The following PRRC2C variants were observed in gnomAD, a reference collection of about 807,000 sequenced individuals.
PRRC2C encodes the protein proline rich coiled-coil 2C.
PRRC2C carries 72 observed loss-of-function variants against 317.2 expected under a neutral mutation model. The ratio of observed to expected loss-of-function variants is 0.23; its 90% CI spans 0.19 to 0.28. The LOEUF (loss-of-function observed/expected upper bound fraction) is 0.28, where lower values mean the gene tolerates loss of function less well. Ranked by LOEUF, PRRC2C falls within the 10% of genes least tolerant of loss-of-function variation. The pLI, the probability that PRRC2C is intolerant of heterozygous loss-of-function variation, is 1.00. For missense variants in PRRC2C, 3,074 were observed against 3,459.7 expected, an observed-to-expected ratio of 0.89 and a Z score of 2.80; for synonymous variants, 1,296 against 1,205.9, an observed-to-expected ratio of 1.07 and a Z score of -1.55.
At position 171,589,420 on chromosome 1, in the gene PRRC2C, A is replaced by G. The variant is rs1349016467; in HGVS notation, c.8251A>G (p.Asn2751Asp). The change falls in exon 34 of 35, where the codon AAC (asparagine) becomes GAC (aspartate). Residue 2751 changes from asparagine to aspartate, a missense_variant. Physicochemically the swap from Asn to Asp is conservative, Grantham distance 23. Coordinates refer to ENST00000647382, the MANE Select transcript of PRRC2C (RefSeq NM_001387844.1). ...TCCATTGGTAAGAGCCCCACATACT[A>G]ACACCTTCCCAGCGCCTGTTCAGAG... ...VPPLVRAPHT[N>D]TFPAPVQRPP... is the part of the protein sequence containing the mutation. 7.8e-7 allele frequency: 1 copy of G among 1,289,290 alleles called. No homozygotes were observed. Among genetic ancestry groups the G allele is most frequent in the Non-Finnish European group, 1.0e-6 (1 of 988,800 alleles). The allele number at this position is 1,289,290 out of a possible 1,614,324, so 79.9% of individuals were successfully genotyped here.
intron 30 of PRRC2C, among the ~76,000 whole-genome samples, chr1:171,586,151 C>T (rs1001646838): frequency 6.9e-6 from 1 of 144,570 alleles, no homozygotes; most frequent in Non-Finnish European, 1.5e-5. Context: ...CAACCTCCAC[C>T]TCCCAGGTTC....
intron 1 of PRRC2C, among the ~76,000 whole-genome samples, chr1:171,498,282 A>G (rs1383410943): frequency 2.0e-5 from 3 of 152,126 alleles, no homozygotes; most frequent in African/African-American, 7.2e-5. Flanking sequence ...TAAATAACAG[A>G]AATTAATTTC....
chr1:171,504,016 T>C (rs1010962648), intron 1 of PRRC2C, among the ~76,000 whole-genome samples: 1 of 152,078 alleles, frequency 6.6e-6, no homozygotes, highest in Non-Finnish European at 1.5e-5. Flanking sequence ...CATGTGGGAA[T>C]TGAGGGAGGT....
chr1:171,561,244 A>G, intron 20 of PRRC2C, 141 bp downstream of exon 20: 1 of 785,092 alleles, frequency 1.3e-6, no homozygotes, highest in African/African-American at 1.7e-5. Context: ...AGCCTGGGCA[A>G]CATAGTGAGA....
rs1669156385 is a variant in PRRC2C, at chr1:171,501,740, A to G, written c.-57-10292A>G. Among the ~76,000 whole-genome samples the G allele has an allele frequency of 3.9e-5, 6 of 152,242 alleles. 1 individual carries two copies. The South Asian group carries it at 1.2e-3, about 32-fold the overall frequency. On this transcript the variant is annotated intron_variant, in intron 1 of 34. Coordinates refer to ENST00000647382, the MANE Select transcript of PRRC2C (RefSeq NM_001387844.1). Reference sequence around the variant, plus strand: ...GGGTATACTTATTTTGATATCCTCTATAACTGTGTGGATGGGTTTTGAAAT... The same window carrying G: ...GGGTATACTTATTTTGATATCCTCTGTAACTGTGTGGATGGGTTTTGAAAT...
At chr1:171,506,615 T>TTA (rs398103367) in intron 1 of PRRC2C, among the ~76,000 whole-genome samples, 2 of 151,090 alleles carry the variant, frequency 1.3e-5, no homozygotes, top group Non-Finnish European at 3.0e-5. Flanking sequence ...TTTTTTTTTT[T>TTA]AAGCTTTTTC....
intron 3 of PRRC2C, among the ~76,000 whole-genome samples, chr1:171,514,262 ATGTGTGTG>A (rs10531775): frequency 1.0e-4 from 15 of 148,686 alleles, no homozygotes; most frequent in African/African-American, 2.0e-4. Flanking sequence ...GTGTGTGTGT[ATGTGTGTG>A]TGTGTGTGTG....
Position 171,577,622 on chromosome 1 carries a change from T to C in PRRC2C, c.7144T>C (p.Ser2382Pro). The part of the protein sequence containing the change: ...QQQQNPQVYV[S>P]QSAAAQIPAF... ...GCAACAGAATCCGCAAGTTTATGTGTCTCAGTCTGCAGCAGGTAATGTTTT... is the reference window on the plus strand; with the variant it reads ...GCAACAGAATCCGCAAGTTTATGTGCCTCAGTCTGCAGCAGGTAATGTTTT... The change falls in exon 26 of 35, where the codon TCT becomes CCT. Residue 2382 changes from serine (S) to proline (P), a missense_variant. Around this residue, in one of 11 missense-constraint regions of PRRC2C, gnomAD observed 490 missense variants for 663.1 expected, o/e 0.74. Transcript: ENST00000647382. The C allele has an allele frequency of 6.2e-7, 1 of 1,612,836 alleles. No individual in the cohort carries two copies. Among genetic ancestry groups the C allele is most frequent in the East Asian group, 2.2e-5 (1 of 44,872 alleles).
At position 171,541,890 on chromosome 1, in the gene PRRC2C, G is replaced by A. The variant is rs1259413383; in HGVS notation, c.4424G>A (p.Gly1475Glu). 3.1e-6 allele frequency: 5 copies of A among 1,613,718 alleles called. No homozygotes were observed. Among genetic ancestry groups the A allele is most frequent in the East Asian group, 4.5e-5 (2 of 44,874 alleles). Residue 1475 changes from glycine to glutamate, a missense_variant, in exon 16 of 35, where the codon GGG becomes GAG. By Grantham distance (98) the Gly-to-Glu change is moderately conservative (BLOSUM62 -2). Around this residue, in one of 11 missense-constraint regions of PRRC2C, gnomAD observed 1,320 missense variants for 1,395.7 expected, o/e 0.95. Transcript: ENST00000647382. This position sits in a 1 kb window ranked among gnomAD's most constrained non-coding sequence, Gnocchi z 4.1. Reference sequence around the variant, plus strand: ...GCTCAAGAACCAGTTAATACTCTTGGGGATATTTCCGGGAATAAGACACCA... The same window carrying A: ...GCTCAAGAACCAGTTAATACTCTTGAGGATATTTCCGGGAATAAGACACCA... ...NVAQEPVNTL[G>E]DISGNKTPDL...
intron 23 of PRRC2C, among the ~76,000 whole-genome samples, chr1:171,570,849 A>G (rs541094657): frequency 6.6e-5 from 10 of 152,322 alleles, no homozygotes; most frequent in African/African-American, 1.9e-4. Flanking sequence ...TGGAACCTGT[A>G]GATATATGGT....
intron 1 of PRRC2C, among the ~76,000 whole-genome samples, chr1:171,490,670 A>G (rs886497400): frequency 6.6e-6 from 1 of 152,212 alleles, no homozygotes; most frequent in African/African-American, 2.4e-5. Context: ...AAACAGGATT[A>G]TTAGAGCTAA....
intron 22 of PRRC2C, among the ~76,000 whole-genome samples, chr1:171,567,621 T>C (rs1214294881): frequency 6.6e-6 from 1 of 152,150 alleles, no homozygotes; most frequent in African/African-American, 2.4e-5. Context: ...ACAACTAAGA[T>C]CTTGGTAATT....
intron 7 of PRRC2C, among the ~76,000 whole-genome samples, chr1:171,522,819 C>T (rs1673833857): frequency 6.6e-6 from 1 of 151,238 alleles, no homozygotes; most frequent in Non-Finnish European, 1.5e-5. Context: ...ATTGATGACA[C>T]TTGTTTTTCT....
chr1:171,541,307 G>A lies in PRRC2C; in HGVS notation c.3841G>A (p.Asp1281Asn), dbSNP rs372699014. ...AATTCATGAAAGTGCAAGTGACAAG[G>A]ACAGTTTAAGTAAAGGCAAACTTCC... is the stretch of plus-strand genomic sequence containing the variant. Reference protein sequence around the residue: ...SEIHESASDKDSLSKGKLPKR... With the variant: ...SEIHESASDKNSLSKGKLPKR... The change falls in exon 16 of 35, where the codon GAC becomes AAC. Residue 1281 changes from aspartate (D) to asparagine (N), a missense_variant. Physicochemically the swap from Asp to Asn is conservative, Grantham distance 23 (BLOSUM62 1). Coordinates refer to ENST00000647382, the MANE Select transcript of PRRC2C (RefSeq NM_001387844.1). The surrounding 1 kb of genome is among the most constrained non-coding windows in gnomAD (Gnocchi z 4.1). 18 of 1,613,852 alleles carry A rather than the reference G, an allele frequency of 1.1e-5. No individual in the cohort carries two copies. The highest frequency in any genetic ancestry group is 5.0e-5 in the Admixed American group (3 of 59,994).
Position 171,541,298 on chromosome 1 carries a change from A to G in PRRC2C, c.3832A>G (p.Ser1278Gly), listed in dbSNP as rs374544560. The G allele has an allele frequency of 5.0e-6, 8 of 1,613,898 alleles. No homozygotes were observed. In the African/African-American group the frequency reaches 6.7e-5, roughly 13 times the overall value. Residue 1278 changes from serine to glycine, a missense_variant, in exon 16 of 35, where the codon AGT (serine) becomes GGT (glycine). Around this residue, in one of 11 missense-constraint regions of PRRC2C, gnomAD observed 1,320 missense variants for 1,395.7 expected, o/e 0.95. Coordinates refer to ENST00000647382, the MANE Select transcript of PRRC2C (RefSeq NM_001387844.1). This position sits in a 1 kb window ranked among gnomAD's most constrained non-coding sequence, Gnocchi z 4.1. ...AGACAGTGAAATTCATGAAAGTGCA[A>G]GTGACAAGGACAGTTTAAGTAAAGG... ...DTDSEIHESA[S>G]DKDSLSKGKL...
intron 16 of PRRC2C, among the ~76,000 whole-genome samples, chr1:171,543,706 C>A (rs1438235762): frequency 3.3e-5 from 5 of 151,954 alleles, no homozygotes; most frequent in African/African-American, 1.2e-4. Context: ...ATTACTATAC[C>A]CATAAGGTAT....
intron 14 of PRRC2C, 50 bp downstream of exon 14, chr1:171,536,328 C>G: frequency 6.4e-7 from 1 of 1,557,646 alleles, no homozygotes; most frequent in Non-Finnish European, 8.7e-7. Flanking sequence ...TTTTTTTTTC[C>G]CTGCTTTTAG....
rs191368336 is a variant in PRRC2C, at chr1:171,500,467, T to A, written c.-57-11565T>A. On this transcript the variant is annotated intron_variant, in intron 1 of 34. Transcript: ENST00000647382. ...AGGCTTGAGTGGACTGGTGCAATCA[T>A]AGCTCACTGCAGCCCTGAACTTCTG... Among the ~76,000 whole-genome samples the A allele has an allele frequency of 6.5e-4, 99 of 152,274 alleles. 1 individual carries two copies. Among genetic ancestry groups the A allele is most frequent in the Non-Finnish European group, 8.8e-5 (6 of 68,002 alleles).
intron 22 of PRRC2C, among the ~76,000 whole-genome samples, chr1:171,567,291 T>C (rs1250716918): frequency 6.6e-6 from 1 of 152,170 alleles, no homozygotes; most frequent in Non-Finnish European, 1.5e-5. Context: ...CACTGGAGGC[T>C]GTTGACTCAC....
Sources: allele counts gnomAD v4.1 joint callset (sites outside exome capture counted in the v4.1 genomes callset), GRCh38; gene constraint gnomAD v4.1.1; regional missense constraint gnomAD v4.1.1; non-coding constraint Gnocchi (gnomAD v3.1); transcripts MANE v1.5; gene names NCBI Gene and HGNC (gene_info 2026-07-23, HGNC 2026-07-21).